The following PKD1 variants were observed in gnomAD, a reference collection of about 807,000 sequenced individuals.
PKD1 encodes the protein polycystin-1.
In PKD1, 81 loss-of-function variants were observed where a neutral mutation model predicts 361.7. The observed-to-expected ratio is 0.22, with a 90% CI of 0.19 to 0.27. The LOEUF is 0.27. Ranked by LOEUF, PKD1 falls within the 10% of genes least tolerant of loss-of-function variation. PKD1 has a pLI of 1.00. For synonymous variants in PKD1, 3,615 were observed against 2,818.3 expected (o/e 1.28, Z -8.95); for missense variants, 6,399 against 6,118.3 (o/e 1.05, Z -1.53).
intron 14 of PKD1, 53 bp from the exon 15 acceptor site, chr16:2,111,924 C>A: frequency 6.3e-7 from 1 of 1,596,526 alleles, no homozygotes; most frequent in Non-Finnish European, 8.5e-7. Context: ...CTGCTCCCCA[C>A]CCGCTCGGCA....
At position 2,089,578 on chromosome 16, in the gene PKD1, A is replaced by G. The variant is rs2091358437; in HGVS notation, c.*149T>C. ...GCCACACAGCCTCTTTAAAGTGCTG[A>G]AGCCCACAGACAGACAGATGCCCCT... On this transcript the variant is annotated 3_prime_UTR_variant, in exon 46 of 46. Transcript: ENST00000262304. 2.0e-6 allele frequency: 2 copies of G among 999,628 alleles called. No homozygotes were observed. 61.9% of individuals were successfully genotyped at this position (999,628 alleles called of 1,614,324 possible).
intron 1 of PKD1, among the ~76,000 whole-genome samples, chr16:2,127,917 G>A (rs1386931547): frequency 8.8e-6 from 1 of 113,562 alleles, no homozygotes; most frequent in Non-Finnish European, 1.8e-5. Flanking sequence ...AGGGAGAGGT[G>A]GGAGGGGCTG....
rs776543056 is a variant in PKD1 at position 2,093,997 on chromosome 16, C to T, written c.10635G>A (p.Leu3545=). Residue 3545 remains leucine, a synonymous_variant, in exon 36 of 46, where the codon CTG becomes CTA. Transcript: ENST00000262304. Reference sequence around the variant, plus strand: ...ACCAGGCCGGCAGCAGGCGCTTCCGCAGACCCTCCACCAGTCCTGGGGAAG... The same window carrying T: ...ACCAGGCCGGCAGCAGGCGCTTCCGTAGACCCTCCACCAGTCCTGGGGAAG... The part of the protein sequence containing the change: ...RLSRTGLVEG[L]RKRLLPAWCA... 41 of 1,588,164 alleles carry T rather than the reference C, an allele frequency of 2.6e-5. No individual in the cohort carries two copies. The South Asian group carries it at 4.4e-4, about 17-fold the overall frequency.
At chr16:2,104,338 G>T (rs1423725312) in intron 22 of PKD1, among the ~76,000 whole-genome samples, 160 bp downstream of exon 22, 1 of 82,934 alleles carries the variant, frequency 1.2e-5, no homozygotes, top group Non-Finnish European at 2.5e-5. Flanking sequence ...GGAGGGGGAG[G>T]AGAATGGGAA....
At chr16:2,091,208 C>T (rs1254029293) in intron 42 of PKD1, 34 bp from the exon 43 acceptor site, 65 of 1,248,236 alleles carry the variant, frequency 5.2e-5, no homozygotes, top group Non-Finnish European at 6.7e-5. Flanking sequence ...GCGGGAGGGA[C>T]GCTGCCGGGG....
At chr16:2,093,332 G>A (rs904521215) in intron 37 of PKD1, 62 of 675,482 alleles carry the variant, frequency 9.2e-5, no homozygotes, top group South Asian at 8.4e-4. Flanking sequence ...GGGCCAGGCA[G>A]GAGTGGGCAT....
At position 2,097,128 on chromosome 16, in the gene PKD1, C is replaced by A. The variant is rs1230929038; in HGVS notation, c.10499+20G>T. On this transcript the variant is annotated intron_variant, in intron 34 of 45. Transcript: ENST00000262304. ...CCCCTCCTCTGGCAATCCCCCCTCC[C>A]CCGAGAGCCGGACACTCACAGGCTG... 1.9e-5 allele frequency: 29 copies of A among 1,540,154 alleles called. No individual in the cohort carries two copies. Among genetic ancestry groups the A allele is most frequent in the Non-Finnish European group, 2.5e-5 (29 of 1,140,488 alleles).
chr16:2,133,221 C>T (rs1289389183), intron 1 of PKD1: 1 of 150,084 alleles, frequency 6.7e-6, no homozygotes, highest in Non-Finnish European at 1.5e-5. Flanking sequence ...CTTCGAGCCA[C>T]GCAGAGCAGC....
intron 1 of PKD1, chr16:2,119,899 G>C: frequency 1.4e-6 from 1 of 700,358 alleles, no homozygotes; most frequent in East Asian, 2.7e-5. Context: ...GCCACCTCGA[G>C]GCATAAACCC....
chr16:2,097,063 A>AACCC, intron 34 of PKD1, 85 bp downstream of exon 34: 1 of 780,524 alleles, frequency 1.3e-6, no homozygotes, highest in Non-Finnish European at 2.1e-6. Context: ...ACCCCACCCT[A>AACCC]CCCCAGGCGG....
rs1467000498 is a variant in PKD1 at position 2,108,740 on chromosome 16, C to T, written c.6427G>A (p.Val2143Met). The change falls in exon 15 of 46, where the codon GTG becomes ATG. Residue 2143 changes from valine to methionine, a missense_variant. Transcript: ENST00000262304. ...FVAQATVTVQ[V>M]LACREPEVDV... ...ACCTCCGGCTCCCGGCAGGCCAGCACCTGGACGGTCACCGTGGCCTGCGCC... is the reference window on the plus strand; with the variant it reads ...ACCTCCGGCTCCCGGCAGGCCAGCATCTGGACGGTCACCGTGGCCTGCGCC... The T allele has an allele frequency of 4.5e-6, 7 of 1,571,970 alleles. No homozygotes were observed. The Admixed American group carries it at 5.4e-5, about 12-fold the overall frequency.
chr16:2,097,776 G>C lies in PKD1; in HGVS notation c.10172C>G (p.Ala3391Gly). ...LTFSGLHAEQ[A>G]FVGQMKSDLF... ...GTCACTCTTCATCTGTCCAACAAAG[G>C]CCTGCTGAGAGGTGCACAGTGTCTT... is the stretch of plus-strand genomic sequence containing the variant. Residue 3391 changes from alanine (A) to glycine (G), a missense_variant, in exon 32 of 46, where the codon GCC (alanine) becomes GGC (glycine). Transcript: ENST00000262304. The C allele has an allele frequency of 6.2e-7, 1 of 1,611,428 alleles. No homozygotes were observed. Among genetic ancestry groups the C allele is most frequent in the Non-Finnish European group, 8.5e-7 (1 of 1,179,868 alleles).
Position 2,105,401 on chromosome 16 carries a change from A to G in PKD1, c.7937T>C (p.Ile2646Thr), listed in dbSNP as rs374500158. 388 of 1,585,620 alleles carry G rather than the reference A, an allele frequency of 2.4e-4. 1 individual carries two copies. Among genetic ancestry groups the G allele is most frequent in the Non-Finnish European group, 3.1e-4 (360 of 1,172,250 alleles). Residue 2646 changes from isoleucine (I) to threonine (T), a missense_variant, in exon 21 of 46, where the codon ATC becomes ACC. Physicochemically the swap from Ile to Thr is moderately conservative, Grantham distance 89 (BLOSUM62 -1). Coordinates refer to ENST00000262304, the MANE Select transcript of PKD1 (RefSeq NM_001009944.3). Reference protein sequence around the residue: ...RQHRAQIRKNITETLVSLRVH... With the variant: ...RQHRAQIRKNTTETLVSLRVH... ...CCTCAGGGACACCAGAGTCTCCGTG[A>G]TGTTCTTGCGTATCTGGGCTCGGTG... is the stretch of plus-strand genomic sequence containing the variant.
intron 20 of PKD1, 131 bp downstream of exon 20, chr16:2,105,734 T>C: frequency 1.5e-6 from 2 of 1,293,332 alleles, no homozygotes; most frequent in Non-Finnish European, 1.1e-6. Context: ...GTCGGGGTGC[T>C]GCTTCAGGGT....
chr16:2,106,638 G>C lies in PKD1; in HGVS notation c.7249C>G (p.Leu2417Val), dbSNP rs1216186349. The change falls in exon 18 of 46, where the codon CTG (leucine) becomes GTG (valine). Residue 2417 changes from leucine to valine, a missense_variant. Leu to Val is a conservative substitution (Grantham distance 32). Transcript: ENST00000262304. This position sits in a 1 kb window ranked among gnomAD's most constrained non-coding sequence, Gnocchi z 6.5. ...ARTFSNKTLV[L>V]DETTTSTGSA... ...CCCGTGGATGTGGTGGTCTCATCCA[G>C]CACCAGCGTCTTGTTGCTGAACGTA... 2.3e-5 allele frequency: 37 copies of C among 1,598,056 alleles called. No individual in the cohort carries two copies. Among genetic ancestry groups the C allele is most frequent in the Non-Finnish European group, 3.1e-5 (36 of 1,178,802 alleles).
chr16:2,093,545 C>T lies in PKD1; in HGVS notation c.11015G>A (p.Arg3672Gln), dbSNP rs201220835. The change falls in exon 37 of 46, where the codon CGG becomes CAG. Residue 3672 changes from arginine (R) to glutamine (Q), a missense_variant and splice_region_variant. Physicochemically the swap from Arg to Gln is conservative, Grantham distance 43. Transcript: ENST00000262304. ...GGCACAGGCCGCACCCAGGCTCACC[C>T]GCAGCATGCCATGTAGCCTCTTGAC... is the stretch of plus-strand genomic sequence containing the variant. The part of the protein sequence containing the change: ...RKVKRLHGML[R>Q]SLLVYMLFLL... 6.4e-4 allele frequency: 1,018 copies of T among 1,597,364 alleles called. 2 individuals carry two copies. Among genetic ancestry groups the T allele is most frequent in the Middle Eastern group, 1.4e-3 (8 of 5,908 alleles).
At position 2,118,518 on chromosome 16, in the gene PKD1, C is replaced by T. The variant is rs1185782305; in HGVS notation, c.530-56G>A. ...CTGCTCCTCCTGGCTCCACCCCACGCCCCCACATCCGCCCGCCGCACTCAC... is the reference window on the plus strand; with the variant it reads ...CTGCTCCTCCTGGCTCCACCCCACGTCCCCACATCCGCCCGCCGCACTCAC... On this transcript the variant is annotated intron_variant, in intron 4 of 45. Transcript: ENST00000262304. This position sits in a 1 kb window ranked among gnomAD's most constrained non-coding sequence, Gnocchi z 6.0. 7.7e-6 allele frequency: 11 copies of T among 1,422,242 alleles called. No individual in the cohort carries two copies. In the East Asian group the frequency reaches 1.7e-4, roughly 22 times the overall value. The allele number at this position is 1,422,242 out of a possible 1,614,324, so 88.1% of individuals were successfully genotyped here.
Position 2,121,141 on chromosome 16 carries a change from G to A in PKD1, c.216-1763C>T, listed in dbSNP as rs139629555. 8.7e-3 allele frequency among the ~76,000 whole-genome samples: 1,329 copies of A among 152,200 alleles called. 14 individuals are homozygous for A. Among genetic ancestry groups the A allele is most frequent in the African/African-American group, 0.028 (1,173 of 41,528 alleles). On this transcript the variant is annotated intron_variant, in intron 1 of 45. Coordinates refer to ENST00000262304, the MANE Select transcript of PKD1 (RefSeq NM_001009944.3). ...AGCACTTTGGGAGGCTGAGGCGGGC[G>A]CATCACCTGAGGTCAGGAGTTCAAG...
chr16:2,100,991 T>C lies in PKD1; in HGVS notation c.9398-425A>G, dbSNP rs911485497. Among the ~76,000 whole-genome samples, 1 of 151,990 alleles carries C rather than the reference T, an allele frequency of 6.6e-6. No individual in the cohort carries two copies. The highest frequency in any genetic ancestry group is 1.5e-5 in the Non-Finnish European group (1 of 67,998). ...ACAGACCCAGGTGACAGTATTTTTT[T>C]TCTTTTTTTTTTGAGATGGAGTCTT... On this transcript the variant is annotated intron_variant, in intron 26 of 45. Coordinates refer to ENST00000262304, the MANE Select transcript of PKD1 (RefSeq NM_001009944.3). The surrounding 1 kb of genome is among the most constrained non-coding windows in gnomAD (Gnocchi z 4.4).
Sources: gnomAD v4.1 joint callset for allele counts (sites outside exome capture counted in the v4.1 genomes callset) on GRCh38, gnomAD v4.1.1 for gene constraint, Gnocchi (gnomAD v3.1) non-coding constraint, MANE v1.5 for transcripts, NCBI Gene and HGNC (gene_info 2026-07-23, HGNC 2026-07-21) for gene names.